Variants in PHKB observed in about 807,000 individuals in gnomAD.
The protein encoded by PHKB is phosphorylase kinase regulatory subunit beta, also known as phosphorylase b kinase regulatory subunit beta.
Under a neutral mutation model 152.1 loss-of-function variants are expected in PHKB, and 122 were observed. That is an observed-to-expected ratio of 0.80 (90% CI 0.69 to 0.93). The LOEUF (loss-of-function observed/expected upper bound fraction) is 0.93. Ranked by LOEUF, PHKB falls within the 40% of genes least tolerant of loss-of-function variation. The pLI is 0.00. For missense variants in PHKB, 1,304 were observed against 1,328.4 expected, an observed-to-expected ratio of 0.98 and a Z score of 0.29; for synonymous variants, 436 against 464.9, an observed-to-expected ratio of 0.94 and a Z score of 0.80.
intron 26 of PHKB, among the ~76,000 whole-genome samples, chr16:47,675,392 C>T (rs990929025): frequency 1.3e-5 from 2 of 152,050 alleles, no homozygotes; most frequent in Non-Finnish European, 2.9e-5. Flanking sequence ...AGGTCTTCTC[C>T]CCATGACATT....
chr16:47,693,651 C>G, intron 28 of PHKB, 144 bp downstream of exon 28: 1 of 951,414 alleles, frequency 1.1e-6, no homozygotes, highest in Non-Finnish European at 1.6e-6. Flanking sequence ...GAAAATAAGA[C>G]ATCTAATCAA....
chr16:47,698,120 G>A (rs1012913949), intron 29 of PHKB, among the ~76,000 whole-genome samples: 1 of 152,156 alleles, frequency 6.6e-6, no homozygotes, highest in Admixed American at 6.5e-5. Flanking sequence ...ACACCCAAAG[G>A]CCTAGAAAGA....
At chr16:47,469,461 C>T (rs1242463570) in intron 1 of PHKB, among the ~76,000 whole-genome samples, 1 of 152,138 alleles carries the variant, frequency 6.6e-6, no homozygotes, top group East Asian at 1.9e-4. Flanking sequence ...AACATGAATA[C>T]AGCTGGAGGC....
At chr16:47,693,652 A>G (rs2142107277) in intron 28 of PHKB, 145 bp downstream of exon 28, 2 of 940,912 alleles carry the variant, frequency 2.1e-6, no homozygotes, top group African/African-American at 1.6e-5. Context: ...AAAATAAGAC[A>G]TCTAATCAAT....
intron 7 of PHKB, among the ~76,000 whole-genome samples, chr16:47,560,984 A>T (rs1484424616): frequency 6.6e-6 from 1 of 152,246 alleles, no homozygotes; most frequent in Non-Finnish European, 1.5e-5. Flanking sequence ...GAAGGTGCTC[A>T]TTCGGTGTTC....
chr16:47,505,319 CCA>C (rs113345006), intron 4 of PHKB: 1 of 152,208 alleles, frequency 6.6e-6, no homozygotes, highest in African/African-American at 2.4e-5. Flanking sequence ...TGCCCAATGC[CCA>C]CACACTCATC....
At chr16:47,593,616 A>T in intron 11 of PHKB, 59 bp downstream of exon 11, 1 of 1,014,766 alleles carries the variant, frequency 9.9e-7, no homozygotes, top group Non-Finnish European at 1.6e-6. Flanking sequence ...AAGCTGTAGG[A>T]TTTAAGTGGT....
chr16:47,662,387 C>T (rs1043805615), intron 23 of PHKB, among the ~76,000 whole-genome samples: 1 of 152,180 alleles, frequency 6.6e-6, no homozygotes, highest in Admixed American at 6.5e-5. Context: ...TGGTCCGCTT[C>T]TGACATTTTA....
At chr16:47,534,572 C>G (rs1970919203) in intron 6 of PHKB, among the ~76,000 whole-genome samples, 1 of 152,080 alleles carries the variant, frequency 6.6e-6, no homozygotes, top group Admixed American at 6.6e-5. Flanking sequence ...TTAGTGTAAA[C>G]AAGATCCACT....
chr16:47,628,502 A>G (rs1972753785), intron 14 of PHKB, among the ~76,000 whole-genome samples: 1 of 152,220 alleles, frequency 6.6e-6, no homozygotes, highest in Admixed American at 6.5e-5. Flanking sequence ...ACTGCGCTCC[A>G]GCCTGGGCGA....
intron 6 of PHKB, among the ~76,000 whole-genome samples, chr16:47,537,316 T>C (rs1970968971): frequency 1.3e-5 from 2 of 152,240 alleles, no homozygotes; most frequent in Admixed American, 1.3e-4. Context: ...AGAGGTTGGC[T>C]TCATAGGCAG....
intron 8 of PHKB, among the ~76,000 whole-genome samples, chr16:47,583,060 G>A (rs1971876720): frequency 2.0e-5 from 3 of 152,162 alleles, no homozygotes; most frequent in Non-Finnish European, 4.4e-5. Context: ...GCCTCCCAAA[G>A]TGCTGGGATT....
intron 7 of PHKB, among the ~76,000 whole-genome samples, chr16:47,564,380 A>G (rs920521709): frequency 7.2e-5 from 11 of 152,142 alleles, no homozygotes; most frequent in Non-Finnish European, 1.3e-4. Context: ...TGGCTGGAGT[A>G]AGGAGGTATC....
chr16:47,592,934 A>G (rs1177041424), intron 10 of PHKB, among the ~76,000 whole-genome samples: 2 of 152,240 alleles, frequency 1.3e-5, no homozygotes, highest in African/African-American at 4.8e-5. Context: ...TCGCCTAACT[A>G]TAGTTCTTCT....
At chr16:47,674,503 C>A (rs527487658) in intron 26 of PHKB, among the ~76,000 whole-genome samples, 1 of 152,316 alleles carries the variant, frequency 6.6e-6, no homozygotes, top group South Asian at 2.1e-4. Flanking sequence ...TAGGATACCT[C>A]TGGCAAATAC....
intron 25 of PHKB, chr16:47,665,283 T>A: frequency 3.0e-6 from 1 of 334,298 alleles, no homozygotes; most frequent in Non-Finnish European, 5.7e-6. Context: ...CGAGAATTTT[T>A]ACTTTTGAGG....
At chr16:47,507,015 C>T (rs1014087944) in intron 4 of PHKB, among the ~76,000 whole-genome samples, 1 of 152,074 alleles carries the variant, frequency 6.6e-6, no homozygotes, top group South Asian at 2.1e-4. Flanking sequence ...TCTGGGTCAC[C>T]CAGGCTTGAA....
chr16:47,679,480 C>A (rs1973805482), intron 26 of PHKB, among the ~76,000 whole-genome samples: 2 of 152,206 alleles, frequency 1.3e-5, no homozygotes, highest in South Asian at 2.1e-4. Context: ...TGAAGAGGTC[C>A]TTCACATCCC....
intron 1 of PHKB, among the ~76,000 whole-genome samples, chr16:47,495,457 G>A (rs1970216087): frequency 6.6e-6 from 1 of 151,904 alleles, no homozygotes; most frequent in Non-Finnish European, 1.5e-5. Flanking sequence ...TGTATGTAAA[G>A]CAAAATACTA....
Sources: gnomAD v4.1 joint callset for allele counts (sites outside exome capture counted in the v4.1 genomes callset) on GRCh38, gnomAD v4.1.1 for gene constraint, MANE v1.5 for transcripts, NCBI Gene and HGNC (gene_info 2026-07-23, HGNC 2026-07-21) for gene names.